LTBP1: variants seen among roughly 807,000 people sequenced by gnomAD.
LTBP1 encodes latent-transforming growth factor beta-binding protein 1.
A neutral mutation model predicts 207.6 loss-of-function variants in LTBP1; 129 were observed. That is an observed-to-expected ratio of 0.62 (90% CI 0.54 to 0.72). The LOEUF (loss-of-function observed/expected upper bound fraction) is 0.72, where lower values mean the gene tolerates loss of function less well. Among genes scored for constraint, LTBP1 ranks in the 30% least tolerant of loss-of-function variants. LTBP1 has a pLI of 0.00. For missense variants in LTBP1, 2,281 were observed against 2,217.2 expected, an observed-to-expected ratio of 1.03 and a Z score of -0.58; for synonymous variants, 963 against 833.7, an observed-to-expected ratio of 1.16 and a Z score of -2.67.
At chr2:33,185,722 T>C (rs760996578) in intron 5 of LTBP1, among the ~76,000 whole-genome samples, 7 of 152,198 alleles carry the variant, frequency 4.6e-5, no homozygotes, top group Non-Finnish European at 7.3e-5. Context: ...AAACCATTCA[T>C]GACCCTAGCA....
intron 24 of LTBP1, among the ~76,000 whole-genome samples, chr2:33,322,286 G>A (rs1255768683): frequency 6.6e-6 from 1 of 152,188 alleles, no homozygotes; most frequent in Non-Finnish European, 1.5e-5. Flanking sequence ...AGCTGACCTT[G>A]CATACCGTAT....
chr2:32,997,868 C>CT (rs1685525260), intron 2 of LTBP1, among the ~76,000 whole-genome samples: 1 of 152,178 alleles, frequency 6.6e-6, no homozygotes, highest in Admixed American at 6.5e-5. Flanking sequence ...AGGAACCCAG[C>CT]AGTTACTGGC....
chr2:33,162,802 A>C (rs2084579618), intron 5 of LTBP1, among the ~76,000 whole-genome samples: 2 of 152,136 alleles, frequency 1.3e-5, no homozygotes, highest in Non-Finnish European at 2.9e-5. Flanking sequence ...AATTAATTGA[A>C]TTTTGTAGGA....
intron 3 of LTBP1, among the ~76,000 whole-genome samples, chr2:33,093,702 A>G (rs1013032091): frequency 6.6e-6 from 1 of 152,152 alleles, no homozygotes; most frequent in Admixed American, 6.5e-5. Context: ...AAAAATAACA[A>G]TGATTTCTTG....
intron 2 of LTBP1, 61 bp from the exon 3 acceptor site, chr2:33,020,848 A>G: frequency 6.8e-7 from 1 of 1,475,718 alleles, no homozygotes; most frequent in Admixed American, 2.2e-5. Flanking sequence ...AACCCTTTGG[A>G]AAAATTAGGA....
intron 32 of LTBP1, among the ~76,000 whole-genome samples, chr2:33,396,222 T>A (rs1389751150): frequency 6.6e-6 from 1 of 151,796 alleles, no homozygotes; most frequent in Non-Finnish European, 1.5e-5. Flanking sequence ...TGTTTTTTGG[T>A]TTTTTGTCTT....
intron 3 of LTBP1, among the ~76,000 whole-genome samples, chr2:33,024,923 G>A (rs891575532): frequency 1.3e-5 from 2 of 152,228 alleles, no homozygotes; most frequent in African/African-American, 4.8e-5. Flanking sequence ...CTGAAGGCTC[G>A]ACTGGGGCTG....
At chr2:33,264,978 AG>A (rs1340465099) in intron 15 of LTBP1, among the ~76,000 whole-genome samples, 2 of 151,778 alleles carry the variant, frequency 1.3e-5, no homozygotes, top group African/African-American at 2.4e-5. Flanking sequence ...CTGAGTCTGA[AG>A]GCCTGGATAC....
chr2:33,314,838 C>G (rs1414519297), intron 23 of LTBP1, among the ~76,000 whole-genome samples: 1 of 152,192 alleles, frequency 6.6e-6, no homozygotes, highest in African/African-American at 2.4e-5. Flanking sequence ...GAGCATCTCT[C>G]AGAGTTGTGG....
chr2:33,018,648 T>C (rs1185797985), intron 2 of LTBP1, among the ~76,000 whole-genome samples: 1 of 152,184 alleles, frequency 6.6e-6, no homozygotes, highest in Non-Finnish European at 1.5e-5. Context: ...TTTGCTCAGT[T>C]GGTCAGGAAA....
chr2:33,060,801 A>T (rs1358064440), intron 3 of LTBP1, among the ~76,000 whole-genome samples: 1 of 152,138 alleles, frequency 6.6e-6, no homozygotes, highest in African/African-American at 2.4e-5. Flanking sequence ...TTCAAACAAA[A>T]AATAGTACAA....
intron 5 of LTBP1, among the ~76,000 whole-genome samples, chr2:33,182,161 A>G (rs2086707141): frequency 6.6e-6 from 1 of 152,064 alleles, no homozygotes; most frequent in Admixed American, 6.6e-5. Context: ...TTCCTTTATA[A>G]CCAGAGAGAC....
chr2:33,192,522 T>TAA (rs201155492), intron 7 of LTBP1, among the ~76,000 whole-genome samples: 4,345 of 145,762 alleles, frequency 0.03, 206 homozygotes, highest in African/African-American at 0.1. Context: ...CCTGGTTTCT[T>TAA]AAAAAAAAAA....
At chr2:33,113,623 A>G (rs528040634) in intron 4 of LTBP1, among the ~76,000 whole-genome samples, 24 of 152,288 alleles carry the variant, frequency 1.6e-4, no homozygotes, top group South Asian at 2.1e-4. Flanking sequence ...TTGATTCTGT[A>G]TATTTACCAG....
intron 5 of LTBP1, among the ~76,000 whole-genome samples, chr2:33,177,311 T>C (rs1161826155): frequency 6.6e-6 from 1 of 152,186 alleles, no homozygotes; most frequent in Non-Finnish European, 1.5e-5. Context: ...TAAAACTTTG[T>C]GCTTGTGGAG....
intron 24 of LTBP1, among the ~76,000 whole-genome samples, chr2:33,329,571 G>A (rs964578067): frequency 4.6e-5 from 7 of 151,962 alleles, no homozygotes; most frequent in Non-Finnish European, 1.0e-4. Context: ...TTTGCATATG[G>A]TGAGAAATAG....
intron 7 of LTBP1, among the ~76,000 whole-genome samples, chr2:33,200,350 A>G (rs555519501): frequency 2.0e-4 from 30 of 152,336 alleles, no homozygotes; most frequent in African/African-American, 7.0e-4. Flanking sequence ...ATCTTTGACA[A>G]ACCTGAGAAA....
intron 24 of LTBP1, among the ~76,000 whole-genome samples, chr2:33,334,806 C>T (rs1179933111): frequency 6.6e-6 from 1 of 151,346 alleles, no homozygotes; most frequent in Non-Finnish European, 1.5e-5. Context: ...CATGGTGGCT[C>T]ATATCTGTAA....
chr2:33,194,554 A>G (rs916679342), intron 7 of LTBP1, among the ~76,000 whole-genome samples: 2 of 152,202 alleles, frequency 1.3e-5, no homozygotes, highest in African/African-American at 4.8e-5. Context: ...TCAATCCAGA[A>G]CAAGGACCTA....
Sources: gnomAD v4.1 joint callset for allele counts (sites outside exome capture counted in the v4.1 genomes callset) on GRCh38, gnomAD v4.1.1 for gene constraint, MANE v1.5 for transcripts, NCBI Gene and HGNC (gene_info 2026-07-23, HGNC 2026-07-21) for gene names.